Variants in HOXA3 observed in about 807,000 individuals in gnomAD.
HOXA3 encodes the protein homeobox A3.
A neutral mutation model predicts 30.3 loss-of-function variants in HOXA3; 8 were observed. The ratio of observed to expected loss-of-function variants is 0.26; its 90% confidence interval spans 0.15 to 0.48. The LOEUF (loss-of-function observed/expected upper bound fraction) is 0.48, where lower values mean the gene tolerates loss of function less well. Among genes scored for constraint, HOXA3 ranks in the 20% least tolerant of loss-of-function variants. HOXA3 has a pLI of 0.99. For missense variants in HOXA3, 653 were observed against 614.4 expected (o/e 1.06, Z -0.66); for synonymous variants, 323 against 273.1 (o/e 1.18, Z -1.80).
intron 1 of HOXA3, among the ~76,000 whole-genome samples, chr7:27,144,053 A>G (rs1164564350): frequency 1.3e-5 from 2 of 152,218 alleles, no homozygotes; most frequent in Non-Finnish European, 2.9e-5. Flanking sequence ...ACCAATTGTT[A>G]GGCCGTCAGC....
chr7:27,114,661 A>T (rs1483801760), intron 4 of HOXA3, among the ~76,000 whole-genome samples: 1 of 145,558 alleles, frequency 6.9e-6, no homozygotes, highest in East Asian at 2.2e-4. Flanking sequence ...TCCAGGGCTC[A>T]TGTGCCCATT....
chr7:27,111,108 G>T (rs1424924699), intron 4 of HOXA3, among the ~76,000 whole-genome samples: 1 of 152,140 alleles, frequency 6.6e-6, no homozygotes, highest in East Asian at 1.9e-4. Flanking sequence ...AGAAACTTGG[G>T]GTGTCGCTTA....
chr7:27,107,789 C>A lies in HOXA3; in HGVS notation c.*126G>T. The A allele has an allele frequency of 3.2e-6, 2 of 621,770 alleles. No individual in the cohort carries two copies. 38.5% of individuals were successfully genotyped at this position (621,770 alleles called of 1,614,324 possible). A position where few individuals can be genotyped will look rare whatever the true frequency, so the allele number is the denominator to read the frequency against. On this transcript the variant is annotated 3_prime_UTR_variant, in exon 6 of 6. Transcript: ENST00000612286. ...GGAAACCGGGAAACGGAGTGCGGGGCGGAGAAGAGAGAAAAGGAAGGAAGG... is the reference window on the plus strand; with the variant it reads ...GGAAACCGGGAAACGGAGTGCGGGGAGGAGAAGAGAGAAAAGGAAGGAAGG...
intron 4 of HOXA3, chr7:27,115,399 C>T (rs1784661372): frequency 6.6e-6 from 1 of 152,224 alleles, no homozygotes; most frequent in South Asian, 2.1e-4. Flanking sequence ...AGGTGAGAGC[C>T]AGCCGCAAAA....
In HOXA3 at chr7:27,108,659, C is replaced by A. The variant is rs780897021; in HGVS notation, c.588G>T (p.Thr196=). The part of the protein sequence containing the change: ...PGQASSKRAR[T]AYTSAQLVEL... ...CCACCAGCTGCGCGCTCGTGTAGGC[C>A]GTGCGCGCGCGCTTGGACGAAGCCT... is the stretch of plus-strand genomic sequence containing the variant. Residue 196 remains threonine (T), a synonymous_variant, in exon 6 of 6, where the codon ACG becomes ACT. Transcript: ENST00000612286. This position sits in a 1 kb window ranked among gnomAD's most constrained non-coding sequence, Gnocchi z 5.0. The A allele has an allele frequency of 1.4e-5, 23 of 1,613,434 alleles. No homozygotes were observed. Among genetic ancestry groups the A allele is most frequent in the Non-Finnish European group, 1.9e-5 (23 of 1,179,714 alleles).
intron 2 of HOXA3, chr7:27,128,904 C>A: frequency 2.5e-6 from 1 of 393,912 alleles, no homozygotes; most frequent in South Asian, 2.8e-5. Flanking sequence ...TCAGCATGGG[C>A]TGTCCAGCTA....
intron 4 of HOXA3, among the ~76,000 whole-genome samples, chr7:27,114,736 C>A (rs1419894449): frequency 5.0e-5 from 5 of 99,016 alleles, no homozygotes; most frequent in East Asian, 3.0e-4. Flanking sequence ...CAAGAGAAAC[C>A]GACATCATAC....
chr7:27,128,116 C>T (rs929782943), intron 2 of HOXA3: 18 of 152,186 alleles, frequency 1.2e-4, no homozygotes, highest in Non-Finnish European at 7.3e-5. Flanking sequence ...CACTTCTTTC[C>T]AAGTGTGCTC....
chr7:27,114,847 T>C, intron 4 of HOXA3, among the ~76,000 whole-genome samples: 1 of 104,874 alleles, frequency 9.5e-6, no homozygotes, highest in African/African-American at 3.3e-5. Flanking sequence ...ATATATATAA[T>C]ATATATTATA....
In HOXA3 at chr7:27,152,531, G is replaced by A. The variant is rs73071596; in HGVS notation, c.-737C>T. The A allele has an allele frequency of 0.012, 14,459 of 1,178,596 alleles. 110 individuals are homozygous for A. The highest frequency in any genetic ancestry group is 0.014 in the Non-Finnish European group (13,490 of 937,250). The allele number at this position is 1,178,596 out of a possible 1,614,324, so 73.0% of individuals were successfully genotyped here. A position where few individuals can be genotyped will look rare whatever the true frequency, so the allele number is the denominator to read the frequency against. On this transcript the variant is annotated 5_prime_UTR_variant, in exon 1 of 6. Coordinates refer to ENST00000612286, the MANE Select transcript of HOXA3 (RefSeq NM_153631.3). ...CTCCGGACAAAGCACAGCCGAGCCC[G>A]GCTGGAAGGCAGAGCTCCGAAGCAG...
In HOXA3 at chr7:27,108,228, G is replaced by C. The variant is rs780381363; in HGVS notation, c.1019C>G (p.Pro340Arg). 2.0e-6 allele frequency: 3 copies of C among 1,523,162 alleles called. No homozygotes were observed. The highest frequency in any genetic ancestry group is 2.2e-5 in the Admixed American group (1 of 46,260). 94.4% of individuals were successfully genotyped at this position (1,523,162 alleles called of 1,614,324 possible). A position where few individuals can be genotyped will look rare whatever the true frequency, so the allele number is the denominator to read the frequency against. Reference sequence around the variant, plus strand: ...GCCATGAGCGTGCGGGTCATAGTCGGGGGTGCCCCCTGCGCCCGCCCCTGC... The same window carrying C: ...GCCATGAGCGTGCGGGTCATAGTCGCGGGTGCCCCCTGCGCCCGCCCCTGC... ...TAAGAGAGGTPDYDPHAHGLQ... is the reference protein window; with the variant it reads ...TAAGAGAGGTRDYDPHAHGLQ... Residue 340 changes from proline to arginine, a missense_variant, in exon 6 of 6, where the codon CCC (proline) becomes CGC (arginine). Coordinates refer to ENST00000612286, the MANE Select transcript of HOXA3 (RefSeq NM_153631.3). This position sits in a 1 kb window ranked among gnomAD's most constrained non-coding sequence, Gnocchi z 5.0.
At chr7:27,130,596 T>G (rs2128054965) in intron 2 of HOXA3, 1 of 1,529,126 alleles carries the variant, frequency 6.5e-7, no homozygotes, top group South Asian at 1.2e-5. Flanking sequence ...TCGGGGGCGC[T>G]GGGGGCTGCT....
intron 4 of HOXA3, among the ~76,000 whole-genome samples, chr7:27,120,434 G>C (rs763983045): frequency 6.6e-6 from 1 of 151,502 alleles, no homozygotes; most frequent in Non-Finnish European, 1.5e-5. Context: ...CCAGCTAGTC[G>C]GGAGGCTGAG....
At position 27,108,258 on chromosome 7, in the gene HOXA3, G is replaced by T. The variant is rs760140639; in HGVS notation, c.989C>A (p.Thr330Lys). 3.3e-6 allele frequency: 5 copies of T among 1,520,672 alleles called. No individual in the cohort carries two copies. In the South Asian group the frequency reaches 5.2e-5, roughly 16 times the overall value. The allele number at this position is 1,520,672 out of a possible 1,614,324, so 94.2% of individuals were successfully genotyped here. ...GCCCCCTGCGCCCGCCCCTGCCGCC[G>T]TGTAGCGCTTCTGTGGGGGTGGCGG... The part of the protein sequence containing the change: ...APPPPPQKRY[T>K]AAGAGAGGTP... The change falls in exon 6 of 6, where the codon ACG becomes AAG. Residue 330 changes from threonine (T) to lysine (K), a missense_variant. Physicochemically the swap from Thr to Lys is moderately conservative, Grantham distance 78 (BLOSUM62 -1). This residue lies in a region of HOXA3 where 330 missense variants were observed against 274.4 expected (regional missense o/e 1.20). Transcript: ENST00000612286. This position sits in a 1 kb window ranked among gnomAD's most constrained non-coding sequence, Gnocchi z 5.0.
intron 1 of HOXA3, among the ~76,000 whole-genome samples, chr7:27,146,714 A>T (rs984375344): frequency 1.3e-5 from 2 of 152,136 alleles, no homozygotes; most frequent in Non-Finnish European, 2.9e-5. Context: ...TATGAAGCTC[A>T]GGCATGGGCT....
At chr7:27,148,243 G>T (rs73290311) in intron 1 of HOXA3, among the ~76,000 whole-genome samples, 10,859 of 152,356 alleles carry the variant, frequency 0.071, 806 homozygotes, top group African/African-American at 0.19. Context: ...CAGTGACAAA[G>T]GTGGCTTTGC....
chr7:27,151,665 G>T (rs1405741201), intron 1 of HOXA3: 1 of 456,742 alleles, frequency 2.2e-6, no homozygotes, highest in South Asian at 1.5e-5. Context: ...AACGAGCGGA[G>T]AACTCTGGCT....
rs750997164 is a variant in HOXA3, at chr7:27,108,336, G to A, written c.911C>T (p.Thr304Ile). Residue 304 changes from threonine to isoleucine, a missense_variant, in exon 6 of 6, where the codon ACC (threonine) becomes ATC (isoleucine). By Grantham distance (89) the Thr-to-Ile change is moderately conservative. Transcript: ENST00000612286. This position sits in a 1 kb window ranked among gnomAD's most constrained non-coding sequence, Gnocchi z 5.0. ...GTAGGAGGCGGGGGGCAGCCCGTAGGTACCCTGGGGGGGCTTGGAGAAGGG... is the reference window on the plus strand; with the variant it reads ...GTAGGAGGCGGGGGGCAGCCCGTAGATACCCTGGGGGGGCTTGGAGAAGGG... The part of the protein sequence containing the change: ...PPPFSKPPQG[T>I]YGLPPASYPA... 1 of 1,508,750 alleles carries A rather than the reference G, an allele frequency of 6.6e-7. No individual in the cohort carries two copies. The highest frequency in any genetic ancestry group is 9.0e-7 in the Non-Finnish European group (1 of 1,113,080). 93.5% of individuals were successfully genotyped at this position (1,508,750 alleles called of 1,614,324 possible). A position where few individuals can be genotyped will look rare whatever the true frequency, so the allele number is the denominator to read the frequency against.
At chr7:27,149,038 C>A (rs553012118) in intron 1 of HOXA3, among the ~76,000 whole-genome samples, 1 of 152,378 alleles carries the variant, frequency 6.6e-6, no homozygotes, top group African/African-American at 2.4e-5. Context: ...AATAGTCTCA[C>A]CGGCTCCAGA....
Sources: allele counts gnomAD v4.1 joint callset (sites outside exome capture counted in the v4.1 genomes callset), GRCh38; gene constraint gnomAD v4.1.1; regional missense constraint gnomAD v4.1.1; non-coding constraint Gnocchi (gnomAD v3.1); transcripts MANE v1.5; gene names NCBI Gene and HGNC (gene_info 2026-07-23, HGNC 2026-07-21).